ANO3: variants seen among roughly 807,000 people sequenced by gnomAD.
The protein encoded by ANO3 is anoctamin 3.
ANO3 carries 99 observed loss-of-function variants against 144.8 expected under a neutral mutation model. The ratio of observed to expected loss-of-function variants is 0.68; its 90% CI spans 0.58 to 0.81. The LOEUF (loss-of-function observed/expected upper bound fraction) is 0.81. Among genes scored for constraint, ANO3 ranks in the 30% least tolerant of loss-of-function variants. The pLI, the probability that ANO3 is intolerant of heterozygous loss-of-function variation, is 0.00. For missense variants in ANO3, 905 were observed against 1,202.2 expected (o/e 0.75, Z 3.66); for synonymous variants, 414 against 392.6 (o/e 1.05, Z -0.64).
intron 4 of ANO3, among the ~76,000 whole-genome samples, chr11:26,469,320 A>G (rs10767536): frequency 0.62 from 94,401 of 151,760 alleles, 29,670 homozygotes; most frequent in Middle Eastern, 0.71. Context: ...GGGTGTGTGC[A>G]TGTATGTGTG....
At chr11:26,565,132 C>T in intron 14 of ANO3, 1 of 1,485,690 alleles carries the variant, frequency 6.7e-7, no homozygotes, top group African/African-American at 1.4e-5. Context: ...TTCAGTTTCA[C>T]ACAAAAGGAA....
chr11:26,373,661 A>G (rs978729253), intron 1 of ANO3, among the ~76,000 whole-genome samples: 55 of 152,212 alleles, frequency 3.6e-4, no homozygotes, highest in Non-Finnish European at 1.5e-4. Flanking sequence ...AGATATATGT[A>G]TCAGTTTAAT....
At chr11:26,349,376 A>G (rs1451360623) in intron 1 of ANO3, among the ~76,000 whole-genome samples, 2 of 152,222 alleles carry the variant, frequency 1.3e-5, no homozygotes, top group African/African-American at 4.8e-5. Flanking sequence ...TACAGTGCAT[A>G]ACATCAAAAA....
intron 12 of ANO3, among the ~76,000 whole-genome samples, chr11:26,550,017 C>T (rs1849889094): frequency 6.6e-6 from 1 of 151,406 alleles, no homozygotes. Context: ...AATTTTTAAT[C>T]TAATATCCCA....
intron 1 of ANO3, among the ~76,000 whole-genome samples, chr11:26,349,493 G>C (rs905324850): frequency 6.6e-6 from 1 of 152,100 alleles, no homozygotes; most frequent in Non-Finnish European, 1.5e-5. Context: ...GGCAGAAACT[G>C]CTACATACTA....
intron 1 of ANO3, among the ~76,000 whole-genome samples, chr11:26,349,783 C>T (rs1189898934): frequency 2.0e-5 from 3 of 152,012 alleles, no homozygotes; most frequent in Non-Finnish European, 4.4e-5. Flanking sequence ...CTCCTGACCT[C>T]GTGATCCGCC....
Position 26,361,123 on chromosome 11 carries a change from G to A in ANO3, c.46+28802G>A, listed in dbSNP as rs916272526. Among the ~76,000 whole-genome samples the A allele has an allele frequency of 1.5e-4, 23 of 152,192 alleles. No homozygotes were observed. The South Asian group carries it at 2.7e-3, about 18-fold the overall frequency. ...ATTTCAATACTAATTTAACTATATCGGAGGTTAGTGCTTAAAGCCTGGATA... is the reference window on the plus strand; with the variant it reads ...ATTTCAATACTAATTTAACTATATCAGAGGTTAGTGCTTAAAGCCTGGATA... On this transcript the variant is annotated intron_variant, in intron 1 of 26. Transcript: ENST00000256737.
chr11:26,658,212 T>A (rs1479010720), intron 26 of ANO3, among the ~76,000 whole-genome samples: 3 of 152,234 alleles, frequency 2.0e-5, no homozygotes, highest in African/African-American at 7.2e-5. Flanking sequence ...GACTATCTTT[T>A]ATTGTATTAA....
At chr11:26,577,311 C>T (rs908198464) in intron 14 of ANO3, among the ~76,000 whole-genome samples, 2 of 151,974 alleles carry the variant, frequency 1.3e-5, no homozygotes, top group African/African-American at 4.8e-5. Flanking sequence ...CGCCTGTAAT[C>T]CCAGCACTTT....
intron 3 of ANO3, among the ~76,000 whole-genome samples, chr11:26,444,842 A>G (rs1858648129): frequency 6.6e-6 from 1 of 152,166 alleles, no homozygotes; most frequent in Non-Finnish European, 1.5e-5. Context: ...TTTTTGTTTT[A>G]TGTGTGGCAC....
At chr11:26,220,741 T>C (rs1052719345) in intron 1 of ANO3, among the ~76,000 whole-genome samples, 2 of 152,190 alleles carry the variant, frequency 1.3e-5, no homozygotes, top group African/African-American at 4.8e-5. Flanking sequence ...CAGTTACACC[T>C]TCTGACAGGT....
intron 18 of ANO3, among the ~76,000 whole-genome samples, chr11:26,624,705 A>G (rs564078622): frequency 1.3e-5 from 2 of 152,356 alleles, no homozygotes; most frequent in South Asian, 2.1e-4. Flanking sequence ...TATTTTTACT[A>G]GAAATCAGCA....
At chr11:26,626,406 T>C (rs1410601457) in intron 18 of ANO3, among the ~76,000 whole-genome samples, 1 of 152,204 alleles carries the variant, frequency 6.6e-6, no homozygotes, top group Non-Finnish European at 1.5e-5. Flanking sequence ...TGGAGAGCTC[T>C]AGAACAAATA....
chr11:26,506,997 G>A (rs1049382318), intron 4 of ANO3, among the ~76,000 whole-genome samples: 1 of 152,156 alleles, frequency 6.6e-6, no homozygotes, highest in Non-Finnish European at 1.5e-5. Flanking sequence ...GCCTGTATAG[G>A]AAATATGAAA....
chr11:26,481,853 T>A (rs969324223), intron 4 of ANO3, among the ~76,000 whole-genome samples: 1 of 152,118 alleles, frequency 6.6e-6, no homozygotes. Flanking sequence ...ATTTCATATG[T>A]GCTCAATTCT....
At chr11:26,226,389 C>G (rs1157690528) in intron 1 of ANO3, among the ~76,000 whole-genome samples, 1 of 151,728 alleles carries the variant, frequency 6.6e-6, no homozygotes, top group Non-Finnish European at 1.5e-5. Context: ...TGGTTATAAA[C>G]ATATTTTCTG....
intron 4 of ANO3, among the ~76,000 whole-genome samples, chr11:26,505,730 T>C (rs1427047244): frequency 1.3e-5 from 2 of 152,158 alleles, no homozygotes; most frequent in Non-Finnish European, 1.5e-5. Context: ...CCTAGCACTT[T>C]GGGAGGCCAA....
chr11:26,406,676 AGTGTGTGTGTGT>A (rs72102663), intron 1 of ANO3, among the ~76,000 whole-genome samples: 5,196 of 119,314 alleles, frequency 0.044, 131 homozygotes, highest in African/African-American at 0.075. Flanking sequence ...AATCTATGGC[AGTGTGTGTGTGT>A]GTGTGTGTGT....
intron 13 of ANO3, chr11:26,559,473 G>A: frequency 5.4e-6 from 2 of 372,782 alleles, no homozygotes; most frequent in East Asian, 4.1e-5. Context: ...AGAAATGATG[G>A]TGGGGTATAA....
Sources: gnomAD v4.1 joint callset for allele counts (sites outside exome capture counted in the v4.1 genomes callset) on GRCh38, gnomAD v4.1.1 for gene constraint, MANE v1.5 for transcripts, NCBI Gene and HGNC (gene_info 2026-07-23, HGNC 2026-07-21) for gene names.